Variants in ARMC10 observed in about 807,000 individuals in gnomAD.
The protein encoded by ARMC10 is armadillo repeat-containing protein 10.
ARMC10 carries 23 observed loss-of-function variants against 30.2 expected under a neutral mutation model. The ratio of observed to expected loss-of-function variants is 0.76; its 90% CI spans 0.55 to 1.08. ARMC10 has a LOEUF of 1.08. ARMC10 is among the 50% of genes least tolerant of loss of function. ARMC10 has a pLI of 0.00. For missense variants in ARMC10, 303 were observed against 413.7 expected, an observed-to-expected ratio of 0.73 and a Z score of 2.32; for synonymous variants, 111 against 164.4, an observed-to-expected ratio of 0.68 and a Z score of 2.48.
intron 3 of ARMC10, among the ~76,000 whole-genome samples, chr7:103,084,300 T>A (rs764195152): frequency 1.2e-4 from 19 of 152,224 alleles, no homozygotes; most frequent in Non-Finnish European, 2.5e-4. Flanking sequence ...AGAGCTTAAT[T>A]TGAACATGTG....
chr7:103,077,000 G>C (rs922318272), intron 2 of ARMC10, among the ~76,000 whole-genome samples: 1 of 152,096 alleles, frequency 6.6e-6, no homozygotes, highest in Non-Finnish European at 1.5e-5. Flanking sequence ...ACTTCCCTGG[G>C]CTCCTCCCAC....
At chr7:103,075,483 T>A in intron 1 of ARMC10, 72 bp downstream of exon 1, 1 of 1,248,468 alleles carries the variant, frequency 8.0e-7, no homozygotes, top group African/African-American at 1.5e-5. Flanking sequence ...GGTGGTGGCT[T>A]GCGTGTGCTC....
At chr7:103,083,659 C>T in intron 2 of ARMC10, 23 bp from the exon 3 acceptor site, 1 of 1,593,312 alleles carries the variant, frequency 6.3e-7, no homozygotes, top group Non-Finnish European at 8.6e-7. Context: ...AGCTTAACTT[C>T]AAATAACTTT....
intron 5 of ARMC10, chr7:103,096,987 C>G (rs1312537758): frequency 1.4e-5 from 6 of 425,892 alleles, no homozygotes; most frequent in Non-Finnish European, 2.5e-5. Flanking sequence ...TGGTACAAGA[C>G]ATTTGCAATA....
At chr7:103,088,737 C>G (rs1025005326) in intron 4 of ARMC10, 1 of 192,354 alleles carries the variant, frequency 5.2e-6, no homozygotes, top group African/African-American at 2.4e-5. Context: ...GGCCACCTCT[C>G]CAACATATAG....
At chr7:103,086,260 C>G (rs892696896) in intron 3 of ARMC10, among the ~76,000 whole-genome samples, 2 of 152,064 alleles carry the variant, frequency 1.3e-5, no homozygotes, top group Admixed American at 1.3e-4. Flanking sequence ...CTTTAGTATT[C>G]TAAATTATAA....
intron 5 of ARMC10, among the ~76,000 whole-genome samples, chr7:103,093,839 C>A (rs1198797422): frequency 6.6e-6 from 1 of 152,204 alleles, no homozygotes; most frequent in African/African-American, 2.4e-5. Context: ...TCTCAGACAT[C>A]GTCTGTGTTT....
rs866021022 is a variant in ARMC10 at position 103,075,873 on chromosome 7, C to G, written c.236C>G (p.Ser79Trp). 6.3e-7 allele frequency: 1 copy of G among 1,598,536 alleles called. No individual in the cohort carries two copies. ...TGGGAGTCACAGTGGTCCAAGACCT[C>G]GCAGCCTGGTGTGTGTTTTGGAAAT... ...GTWESQWSKT[S>W]QPEDLTDGSY... The change falls in exon 2 of 7, where the codon TCG (serine) becomes TGG (tryptophan). Residue 79 changes from serine to tryptophan, a missense_variant. Coordinates refer to ENST00000323716, the MANE Select transcript of ARMC10 (RefSeq NM_031905.5).
At chr7:103,085,107 G>C (rs1195180072) in intron 3 of ARMC10, among the ~76,000 whole-genome samples, 1 of 152,110 alleles carries the variant, frequency 6.6e-6, no homozygotes, top group African/African-American at 2.4e-5. Context: ...TGCCTTTAAA[G>C]AAGTATTTCT....
At chr7:103,085,904 T>C (rs1440584710) in intron 3 of ARMC10, among the ~76,000 whole-genome samples, 1 of 152,166 alleles carries the variant, frequency 6.6e-6, no homozygotes, top group Non-Finnish European at 1.5e-5. Flanking sequence ...TGTGAGCCAC[T>C]GCGCCTGGCC....
At chr7:103,081,186 G>A (rs553494736) in intron 2 of ARMC10, among the ~76,000 whole-genome samples, 8 of 152,184 alleles carry the variant, frequency 5.3e-5, no homozygotes, top group Non-Finnish European at 7.4e-5. Flanking sequence ...AGCTTATTTG[G>A]GAATTTGAAC....
intron 5 of ARMC10, chr7:103,095,656 T>C (rs1467982881): frequency 2.6e-5 from 4 of 152,204 alleles, no homozygotes; most frequent in Admixed American, 6.5e-5. Flanking sequence ...TCACATGGCC[T>C]TTGTTTTTAA....
At chr7:103,076,042 C>T (rs1799763806) in intron 2 of ARMC10, among the ~76,000 whole-genome samples, 161 bp downstream of exon 2, 1 of 152,192 alleles carries the variant, frequency 6.6e-6, no homozygotes, top group South Asian at 2.1e-4. Flanking sequence ...TTTAAAATAT[C>T]ATATCTGCCA....
intron 3 of ARMC10, chr7:103,084,077 T>A: frequency 1.4e-6 from 2 of 1,452,830 alleles, no homozygotes; most frequent in Non-Finnish European, 1.8e-6. Flanking sequence ...GTATATCTAA[T>A]CAACGTTTAC....
intron 4 of ARMC10, among the ~76,000 whole-genome samples, chr7:103,089,939 T>C (rs1432952369): frequency 6.6e-6 from 1 of 152,220 alleles, no homozygotes; most frequent in Non-Finnish European, 1.5e-5. Context: ...TAAATAATTG[T>C]AAGTCAAGGC....
At chr7:103,085,140 C>G (rs1211615368) in intron 3 of ARMC10, among the ~76,000 whole-genome samples, 1 of 85,028 alleles carries the variant, frequency 1.2e-5, no homozygotes, top group African/African-American at 3.1e-5. Flanking sequence ...TTGTATTCCT[C>G]TAAAATAAGT....
chr7:103,096,598 C>A, intron 5 of ARMC10: 1 of 152,260 alleles, frequency 6.6e-6, no homozygotes, highest in South Asian at 2.0e-4. Flanking sequence ...AAGATGGGGT[C>A]TAAGGGTCTC....
At position 103,083,668 on chromosome 7, in the gene ARMC10, T is replaced by C. The variant is rs765080970; in HGVS notation, c.245-14T>C. 1.3e-5 allele frequency: 21 copies of C among 1,596,112 alleles called. 2 individuals carry two copies. In the South Asian group the frequency reaches 2.0e-4, roughly 15 times the overall value. ...GATTTTAGCTTAACTTCAAATAACTTTCTTCTTATGCAGAAGACTTAACTG... is the reference window on the plus strand; with the variant it reads ...GATTTTAGCTTAACTTCAAATAACTCTCTTCTTATGCAGAAGACTTAACTG... On this transcript the variant is annotated splice_polypyrimidine_tract_variant and intron_variant, in intron 2 of 6. Transcript: ENST00000323716.
chr7:103,080,118 G>A (rs1402913309), intron 2 of ARMC10, among the ~76,000 whole-genome samples: 2 of 152,120 alleles, frequency 1.3e-5, no homozygotes, highest in African/African-American at 2.4e-5. Flanking sequence ...TAGAACACAT[G>A]TTTGACTCCT....
Sources: allele counts gnomAD v4.1 joint callset (sites outside exome capture counted in the v4.1 genomes callset), GRCh38; gene constraint gnomAD v4.1.1; transcripts MANE v1.5; gene names NCBI Gene and HGNC (gene_info 2026-07-23, HGNC 2026-07-21).